TAF1B: variants seen among roughly 807,000 people sequenced by gnomAD.
TAF1B encodes TATA box-binding protein-associated factor RNA polymerase I subunit B.
A neutral mutation model predicts 83.9 loss-of-function variants in TAF1B; 61 were observed. The observed-to-expected ratio is 0.73, with a 90% CI of 0.59 to 0.90. TAF1B has a LOEUF of 0.90. Ranked by LOEUF, TAF1B falls within the 40% of genes least tolerant of loss-of-function variation. TAF1B has a pLI of 0.00. For missense variants in TAF1B, 625 were observed against 677.0 expected, an observed-to-expected ratio of 0.92 and a Z score of 0.85; for synonymous variants, 221 against 224.6, an observed-to-expected ratio of 0.98 and a Z score of 0.14.
At chr2:9,904,263 T>C (rs1038815685) in intron 8 of TAF1B, among the ~76,000 whole-genome samples, 2 of 152,298 alleles carry the variant, frequency 1.3e-5, no homozygotes, top group East Asian at 3.9e-4. Context: ...ATCCTCACCC[T>C]CCACCCTCAA....
At chr2:9,865,666 C>T (rs1169392818) in intron 5 of TAF1B, among the ~76,000 whole-genome samples, 4 of 152,028 alleles carry the variant, frequency 2.6e-5, no homozygotes, top group African/African-American at 4.8e-5. Flanking sequence ...GGAGGCATCA[C>T]GCTACCTGAC....
intron 5 of TAF1B, among the ~76,000 whole-genome samples, chr2:9,867,468 C>A (rs1664023099): frequency 6.6e-6 from 1 of 152,188 alleles, no homozygotes; most frequent in South Asian, 2.1e-4. Context: ...TTACTTCATT[C>A]TCTGAGGTTT....
chr2:9,853,010 G>A (rs1663447419), intron 4 of TAF1B, among the ~76,000 whole-genome samples: 1 of 152,214 alleles, frequency 6.6e-6, no homozygotes, highest in African/African-American at 2.4e-5. Context: ...AGCAACAGAG[G>A]CTAACCCATA....
At chr2:9,868,994 A>G (rs1664083940) in intron 6 of TAF1B, among the ~76,000 whole-genome samples, 1 of 152,222 alleles carries the variant, frequency 6.6e-6, no homozygotes, top group African/African-American at 2.4e-5. Context: ...CAGATATCAA[A>G]TAAGTTACTT....
intron 8 of TAF1B, among the ~76,000 whole-genome samples, chr2:9,893,282 C>T (rs556185097): frequency 2.0e-5 from 3 of 152,122 alleles, no homozygotes; most frequent in East Asian, 3.9e-4. Flanking sequence ...TTTATTTCTG[C>T]GTCATTGATT....
At chr2:9,929,273 C>T (rs1228122929) in intron 14 of TAF1B, among the ~76,000 whole-genome samples, 1 of 152,156 alleles carries the variant, frequency 6.6e-6, no homozygotes, top group Non-Finnish European at 1.5e-5. Context: ...ATTCTCCTAC[C>T]TCAGCCTCCT....
chr2:9,906,142 G>C (rs1224273884), intron 9 of TAF1B, among the ~76,000 whole-genome samples: 1 of 152,034 alleles, frequency 6.6e-6, no homozygotes, highest in Non-Finnish European at 1.5e-5. Context: ...GAGAATACTG[G>C]GTTATGGAAG....
Position 9,908,260 on chromosome 2 carries a change from T to C in TAF1B, c.956-2476T>C, listed in dbSNP as rs929753702. ...TGGGGTTTCACTGTGTTAGCCAGGA[T>C]GGTCTGGATCTCCTGACCTCAGGTG... is the stretch of plus-strand genomic sequence containing the variant. On this transcript the variant is annotated intron_variant, in intron 9 of 14. Coordinates refer to ENST00000263663, the MANE Select transcript of TAF1B (RefSeq NM_005680.3). 5.9e-5 allele frequency among the ~76,000 whole-genome samples: 9 copies of C among 151,798 alleles called. 1 individual carries two copies. The South Asian group carries it at 1.9e-3, about 32-fold the overall frequency.
intron 5 of TAF1B, among the ~76,000 whole-genome samples, chr2:9,859,757 C>T (rs1663692031): frequency 6.6e-6 from 1 of 152,194 alleles, no homozygotes; most frequent in Non-Finnish European, 1.5e-5. Flanking sequence ...ATCTTCCTGT[C>T]TTCTTCTGAG....
intron 9 of TAF1B, among the ~76,000 whole-genome samples, chr2:9,909,329 G>A (rs1665449347): frequency 6.6e-6 from 1 of 152,212 alleles, no homozygotes. Flanking sequence ...TCAGAAGAGG[G>A]CCAGTCACAG....
intron 12 of TAF1B, among the ~76,000 whole-genome samples, chr2:9,917,905 T>A (rs1047018234): frequency 6.6e-5 from 10 of 151,744 alleles, no homozygotes; most frequent in African/African-American, 2.4e-4. Context: ...ACCCCGTCTC[T>A]ACTAAAAATA....
At chr2:9,852,926 A>G (rs7559653) in intron 4 of TAF1B, among the ~76,000 whole-genome samples, 9,472 of 152,306 alleles carry the variant, frequency 0.062, 322 homozygotes, top group African/African-American at 0.073. Context: ...AACAACCACG[A>G]TTTCAGTGCA....
intron 14 of TAF1B, among the ~76,000 whole-genome samples, chr2:9,923,226 A>G (rs1665931220): frequency 1.4e-5 from 2 of 142,948 alleles, no homozygotes; most frequent in African/African-American, 5.1e-5. Flanking sequence ...CGACAGAGCA[A>G]GACTCCATCT....
At chr2:9,888,969 A>C (rs1664778661) in intron 8 of TAF1B, among the ~76,000 whole-genome samples, 1 of 133,382 alleles carries the variant, frequency 7.5e-6, no homozygotes, top group Non-Finnish European at 1.7e-5. Flanking sequence ...ACACCCGGCT[A>C]ATTTGTATTG....
In TAF1B at chr2:9,875,990, G is replaced by A; in HGVS notation, c.679G>A (p.Glu227Lys). The A allele has an allele frequency of 6.2e-7, 1 of 1,612,230 alleles. No homozygotes were observed. Among genetic ancestry groups the A allele is most frequent in the Non-Finnish European group, 8.5e-7 (1 of 1,178,618 alleles). ...FCYLSLLWQR[E>K]AITLSDLLRF... ...TTATCTGTCCTTACTTTGGCAGAGAGAAGCAATAACACTTTCAGATCTTTT... is the reference window on the plus strand; with the variant it reads ...TTATCTGTCCTTACTTTGGCAGAGAAAAGCAATAACACTTTCAGATCTTTT... Residue 227 changes from glutamate to lysine, a missense_variant, in exon 7 of 15, where the codon GAA becomes AAA. Physicochemically the swap from Glu to Lys is moderately conservative, Grantham distance 56 (BLOSUM62 1). Coordinates refer to ENST00000263663, the MANE Select transcript of TAF1B (RefSeq NM_005680.3).
chr2:9,926,373 C>T (rs1036867888), intron 14 of TAF1B, among the ~76,000 whole-genome samples: 3 of 152,156 alleles, frequency 2.0e-5, no homozygotes, highest in Admixed American at 6.5e-5. Context: ...AAGGCCCCAC[C>T]TCTTTATCTC....
chr2:9,889,605 A>C (rs889943186), intron 8 of TAF1B, among the ~76,000 whole-genome samples: 4 of 151,992 alleles, frequency 2.6e-5, no homozygotes, highest in Non-Finnish European at 5.9e-5. Flanking sequence ...TATGTATCAT[A>C]TTTTCCTGCC....
At chr2:9,868,803 T>C (rs1470326861) in intron 6 of TAF1B, 2 of 426,456 alleles carry the variant, frequency 4.7e-6, no homozygotes, top group Admixed American at 3.0e-5. Flanking sequence ...AAAGATGGTA[T>C]GTCCAGTTTC....
chr2:9,876,557 A>G (rs1328763578), intron 7 of TAF1B, among the ~76,000 whole-genome samples: 1 of 152,228 alleles, frequency 6.6e-6, no homozygotes, highest in Non-Finnish European at 1.5e-5. Context: ...TTACAGTTTT[A>G]TGTGTAAGAA....
Sources: gnomAD v4.1 joint callset for allele counts (sites outside exome capture counted in the v4.1 genomes callset) on GRCh38, gnomAD v4.1.1 for gene constraint, MANE v1.5 for transcripts, NCBI Gene and HGNC (gene_info 2026-07-23, HGNC 2026-07-21) for gene names.